The following FOXP1 variants were observed in gnomAD, a reference collection of about 807,000 sequenced individuals.
FOXP1 encodes forkhead box protein P1.
In FOXP1, 15 loss-of-function variants were observed where a neutral mutation model predicts 98.2. The ratio of observed to expected loss-of-function variants is 0.15; its 90% CI spans 0.10 to 0.24. The LOEUF (loss-of-function observed/expected upper bound fraction) is 0.24. Ranked by LOEUF, FOXP1 falls within the 10% of genes least tolerant of loss-of-function variation. The probability of loss-of-function intolerance (pLI) is 1.00; values close to 1 mark genes in which losing one functional copy is unlikely to be tolerated. For synonymous variants in FOXP1, 371 were observed against 314.5 expected (o/e 1.18, Z -1.90); for missense variants, 633 against 848.5 (o/e 0.75, Z 3.15).
At chr3:71,259,520 C>T (rs2068916508) in intron 5 of FOXP1, among the ~76,000 whole-genome samples, 1 of 152,162 alleles carries the variant, frequency 6.6e-6, no homozygotes, top group African/African-American at 2.4e-5. Flanking sequence ...TCCCAAATGA[C>T]TCACTTCCTA....
chr3:71,227,009 G>C (rs889724307), intron 5 of FOXP1, among the ~76,000 whole-genome samples: 1 of 152,126 alleles, frequency 6.6e-6, no homozygotes, highest in African/African-American at 2.4e-5. Flanking sequence ...AGTCATTTTG[G>C]TCTTCGTGGT....
At chr3:71,136,700 T>C (rs747705748) in intron 6 of FOXP1, among the ~76,000 whole-genome samples, 1 of 152,226 alleles carries the variant, frequency 6.6e-6, no homozygotes, top group African/African-American at 2.4e-5. Flanking sequence ...TGTTTTCTCC[T>C]TGACTGAACA....
intron 6 of FOXP1, among the ~76,000 whole-genome samples, chr3:71,189,518 C>T (rs1176761203): frequency 4.6e-5 from 7 of 152,178 alleles, no homozygotes; most frequent in Admixed American, 2.0e-4. Context: ...AAAATAAGCC[C>T]ATCCTTTATT....
intron 7 of FOXP1, among the ~76,000 whole-genome samples, chr3:71,080,847 C>A (rs1419647447): frequency 2.6e-5 from 4 of 152,192 alleles, no homozygotes; most frequent in African/African-American, 7.2e-5. Context: ...GAAAGTCTTA[C>A]CATCTCTGAA....
chr3:71,525,460 G>C (rs1358600771), intron 2 of FOXP1, among the ~76,000 whole-genome samples: 4 of 152,198 alleles, frequency 2.6e-5, no homozygotes, highest in African/African-American at 9.7e-5. Flanking sequence ...CAGATTTCAA[G>C]TCCTTTTTCA....
intron 6 of FOXP1, among the ~76,000 whole-genome samples, chr3:71,177,700 G>C (rs1204782807): frequency 6.6e-6 from 1 of 152,056 alleles, no homozygotes; most frequent in Admixed American, 6.5e-5. Context: ...CTTGTGAGAA[G>C]GAACTGTACT....
chr3:71,165,061 C>T (rs760143448), intron 6 of FOXP1, among the ~76,000 whole-genome samples: 6 of 151,926 alleles, frequency 3.9e-5, no homozygotes, highest in South Asian at 2.1e-4. Flanking sequence ...GGCATTTAAA[C>T]GGAAAGTGAA....
intron 5 of FOXP1, among the ~76,000 whole-genome samples, chr3:71,246,274 G>C (rs1486188580): frequency 1.3e-5 from 2 of 152,218 alleles, no homozygotes; most frequent in African/African-American, 4.8e-5. Context: ...AAGGACGGGA[G>C]GACAGGGACA....
chr3:71,345,041 A>T (rs950218726), intron 4 of FOXP1, among the ~76,000 whole-genome samples: 1 of 152,184 alleles, frequency 6.6e-6, no homozygotes, highest in Non-Finnish European at 1.5e-5. Context: ...TTGTAATTGA[A>T]TCAAAGAAAA....
At chr3:71,177,170 T>C (rs1194975136) in intron 6 of FOXP1, among the ~76,000 whole-genome samples, 1 of 152,176 alleles carries the variant, frequency 6.6e-6, no homozygotes, top group Admixed American at 6.5e-5. Flanking sequence ...GGTGCCAGGC[T>C]TGGGTGTTCA....
chr3:70,984,797 A>C (rs571365948), intron 14 of FOXP1, among the ~76,000 whole-genome samples: 2 of 152,138 alleles, frequency 1.3e-5, no homozygotes, highest in South Asian at 4.1e-4. Context: ...TTCACCCATA[A>C]GCTTTCTTCC....
intron 4 of FOXP1, chr3:71,302,990 T>G (rs1311999035): frequency 1.3e-5 from 2 of 152,192 alleles, no homozygotes; most frequent in African/African-American, 4.8e-5. Context: ...ATGGATATAT[T>G]TTGCCCTTAA....
intron 6 of FOXP1, among the ~76,000 whole-genome samples, chr3:71,157,779 A>C (rs1351308664): frequency 6.6e-6 from 1 of 152,096 alleles, no homozygotes; most frequent in Non-Finnish European, 1.5e-5. Flanking sequence ...GTCCTCATGA[A>C]GCTTCTATTC....
chr3:70,970,417 G>A, intron 19 of FOXP1: 1 of 394,640 alleles, frequency 2.5e-6, no homozygotes, highest in African/African-American at 2.1e-5. Context: ...TAATAGCTGT[G>A]CTAGAGTAAT....
chr3:71,012,008 C>G (rs966711189), intron 12 of FOXP1, among the ~76,000 whole-genome samples: 1 of 151,958 alleles, frequency 6.6e-6, no homozygotes, highest in African/African-American at 2.4e-5. Flanking sequence ...ACAAATGAAC[C>G]TATGATTTGA....
intron 2 of FOXP1, among the ~76,000 whole-genome samples, chr3:71,525,552 G>C (rs1356240833): frequency 6.6e-6 from 1 of 152,200 alleles, no homozygotes; most frequent in Non-Finnish European, 1.5e-5. Flanking sequence ...ACCTTTGAGA[G>C]CTCTGGTCTA....
intron 6 of FOXP1, among the ~76,000 whole-genome samples, chr3:71,124,871 C>T (rs2059047912): frequency 6.6e-6 from 1 of 152,232 alleles, no homozygotes; most frequent in South Asian, 2.1e-4. Flanking sequence ...TGATCTCAAA[C>T]CATTGGTCGT....
intron 2 of FOXP1, chr3:71,581,065 G>C: frequency 1.4e-5 from 13 of 962,414 alleles, no homozygotes; most frequent in Non-Finnish European, 1.6e-5. Flanking sequence ...AGGGCTTGTG[G>C]GGTGGGGAGG....
chr3:71,175,102 C>T (rs919673250), intron 6 of FOXP1, among the ~76,000 whole-genome samples: 5 of 151,950 alleles, frequency 3.3e-5, no homozygotes, highest in African/African-American at 4.8e-5. Flanking sequence ...TCAGTAGAGA[C>T]GAGGTTTCAC....
Sources: allele counts gnomAD v4.1 joint callset (sites outside exome capture counted in the v4.1 genomes callset), GRCh38; gene constraint gnomAD v4.1.1; transcripts MANE v1.5; gene names NCBI Gene and HGNC (gene_info 2026-07-23, HGNC 2026-07-21).